The following DIAPH3 variants were observed in gnomAD, a reference collection of about 807,000 sequenced individuals.
The protein encoded by DIAPH3 is diaphanous related formin 3, also known as protein diaphanous homolog 3.
In DIAPH3, 117 loss-of-function variants were observed where a neutral mutation model predicts 144.3. The observed-to-expected ratio is 0.81, with a 90% CI of 0.70 to 0.95. The LOEUF (loss-of-function observed/expected upper bound fraction) is 0.95, where lower values mean the gene tolerates loss of function less well. Ranked by LOEUF, DIAPH3 falls within the 40% of genes least tolerant of loss-of-function variation. The pLI is 0.00. For missense variants in DIAPH3, 1,421 were observed against 1,412.7 expected, an observed-to-expected ratio of 1.01 and a Z score of -0.09; for synonymous variants, 519 against 488.9, an observed-to-expected ratio of 1.06 and a Z score of -0.81.
At chr13:60,163,379 G>A (rs543001959) in intron 1 of DIAPH3, among the ~76,000 whole-genome samples, 181 of 152,322 alleles carry the variant, frequency 1.2e-3, no homozygotes, top group African/African-American at 4.0e-3. Flanking sequence ...TCACATCAGC[G>A]TTAAGAAATT....
intron 4 of DIAPH3, among the ~76,000 whole-genome samples, chr13:60,069,590 T>G (rs2057118287): frequency 6.6e-6 from 1 of 152,122 alleles, no homozygotes; most frequent in South Asian, 2.1e-4. Context: ...GGTTTTCTTC[T>G]AAGGGTTTTT....
chr13:59,874,286 C>T (rs1253149328), intron 21 of DIAPH3, among the ~76,000 whole-genome samples: 1 of 152,186 alleles, frequency 6.6e-6, no homozygotes, highest in Non-Finnish European at 1.5e-5. Context: ...TAATCAATGT[C>T]ATCCAAAAGC....
chr13:60,078,764 T>C (rs1418032275), intron 4 of DIAPH3, among the ~76,000 whole-genome samples: 1 of 151,814 alleles, frequency 6.6e-6, no homozygotes, highest in African/African-American at 2.4e-5. Context: ...AAATAACAAA[T>C]ATGAGGTATA....
chr13:60,163,519 C>A, intron 1 of DIAPH3, 68 bp downstream of exon 1: 1 of 1,576,174 alleles, frequency 6.3e-7, no homozygotes, highest in South Asian at 1.1e-5. Context: ...TTCTTGTGGG[C>A]CCACCCTCGG....
chr13:60,140,646 T>G (rs9538574), intron 1 of DIAPH3, among the ~76,000 whole-genome samples: 96,004 of 151,828 alleles, frequency 0.63, 30,796 homozygotes, highest in Admixed American at 0.72. Flanking sequence ...GATTTGTGGG[T>G]TTTTTTCATA....
rs184143551 is a variant in DIAPH3 at position 59,945,139 on chromosome 13, T to C, written c.2075-20269A>G. Among the ~76,000 whole-genome samples, 9 of 152,220 alleles carry C rather than the reference T, an allele frequency of 5.9e-5. No individual in the cohort carries two copies. In the East Asian group the frequency reaches 1.7e-3, roughly 29 times the overall value. Reference sequence around the variant, plus strand: ...GTTTCTTTGAAGATTTTCCAAAAAATCCACACCTCAAATCTCATCTCCTGC... The same window carrying C: ...GTTTCTTTGAAGATTTTCCAAAAAACCCACACCTCAAATCTCATCTCCTGC... On this transcript the variant is annotated intron_variant, in intron 17 of 27. Transcript: ENST00000400324.
chr13:59,870,856 G>A (rs2035769758), intron 21 of DIAPH3, among the ~76,000 whole-genome samples: 1 of 151,424 alleles, frequency 6.6e-6, no homozygotes, highest in African/African-American at 2.4e-5. Flanking sequence ...TTTTAGTAGA[G>A]ACGGGGTTTC....
chr13:59,987,590 G>A (rs2140773611), intron 12 of DIAPH3, among the ~76,000 whole-genome samples: 1 of 149,312 alleles, frequency 6.7e-6, no homozygotes, highest in Admixed American at 6.7e-5. Flanking sequence ...AAACTTGTTA[G>A]TGAAATAAGG....
rs570300807 is a variant in DIAPH3 at position 59,980,236 on chromosome 13, T to C, written c.1545+559A>G. On this transcript the variant is annotated intron_variant, in intron 14 of 27. Coordinates refer to ENST00000400324, the MANE Select transcript of DIAPH3 (RefSeq NM_001042517.2). Reference sequence around the variant, plus strand: ...ATGACCTATGAAAATGGCAATTTTATAAAGTTCAACTTAATATAATGAAGC... The same window carrying C: ...ATGACCTATGAAAATGGCAATTTTACAAAGTTCAACTTAATATAATGAAGC... 2.0e-5 allele frequency among the ~76,000 whole-genome samples: 3 copies of C among 151,802 alleles called. No homozygotes were observed. The East Asian group carries it at 5.8e-4, about 29-fold the overall frequency.
chr13:59,725,539 G>A (rs2138940871), intron 27 of DIAPH3, among the ~76,000 whole-genome samples: 1 of 152,200 alleles, frequency 6.6e-6, no homozygotes, highest in South Asian at 2.1e-4. Flanking sequence ...CAAATAATTA[G>A]CATTTCATAT....
rs150401624 is a variant in DIAPH3 at position 60,101,839 on chromosome 13, C to A, written c.391-8107G>T. ...CTCCCAAACCATCTTTTTCTTGGCC[C>A]CAGTAAAAACCTCCAGTTTCTTGAC... On this transcript the variant is annotated intron_variant, in intron 3 of 27. Coordinates refer to ENST00000400324, the MANE Select transcript of DIAPH3 (RefSeq NM_001042517.2). Among the ~76,000 whole-genome samples the A allele has an allele frequency of 2.3e-3, 347 of 152,230 alleles. 3 individuals are homozygous for A. The highest frequency in any genetic ancestry group is 8.0e-3 in the African/African-American group (334 of 41,534).
At chr13:59,723,686 C>T (rs1304696519) in intron 27 of DIAPH3, among the ~76,000 whole-genome samples, 1 of 151,840 alleles carries the variant, frequency 6.6e-6, no homozygotes, top group Non-Finnish European at 1.5e-5. Flanking sequence ...TCTCGGCTCG[C>T]TGCAATCTCC....
rs368343145 is a variant in DIAPH3 at position 60,010,559 on chromosome 13, C to T, written c.882G>A (p.Ala294=). The change falls in exon 8 of 28, where the codon GCG becomes GCA. Residue 294 remains alanine, a synonymous_variant. Coordinates refer to ENST00000400324, the MANE Select transcript of DIAPH3 (RefSeq NM_001042517.2). The part of the protein sequence containing the change: ...MMTDVVKLLS[A]VCIVGEESIL... Reference sequence around the variant, plus strand: ...TGCTTTCTTCCCCTACAATGCATACCGCAGAGAGAAGTTTAACCACATCTG... The same window carrying T: ...TGCTTTCTTCCCCTACAATGCATACTGCAGAGAGAAGTTTAACCACATCTG... 28 of 1,608,220 alleles carry T rather than the reference C, an allele frequency of 1.7e-5. No individual in the cohort carries two copies. The highest frequency in any genetic ancestry group is 3.3e-5 in the South Asian group (3 of 90,264).
intron 25 of DIAPH3, among the ~76,000 whole-genome samples, chr13:59,793,249 C>T (rs760521352): frequency 6.6e-6 from 1 of 152,128 alleles, no homozygotes; most frequent in Non-Finnish European, 1.5e-5. Flanking sequence ...GTTCTCCACC[C>T]CTCCTGCCGC....
At chr13:59,796,345 G>A (rs901195470) in intron 25 of DIAPH3, among the ~76,000 whole-genome samples, 4 of 152,160 alleles carry the variant, frequency 2.6e-5, no homozygotes, top group African/African-American at 9.7e-5. Context: ...CACACATTAA[G>A]GATGCACCAT....
At chr13:59,874,025 T>C (rs1158023173) in intron 21 of DIAPH3, among the ~76,000 whole-genome samples, 1 of 152,170 alleles carries the variant, frequency 6.6e-6, no homozygotes, top group Non-Finnish European at 1.5e-5. Flanking sequence ...TGTCGTGGCT[T>C]TGGTGTTGGT....
At chr13:60,012,299 C>T (rs1027313696) in intron 7 of DIAPH3, among the ~76,000 whole-genome samples, 13 of 152,070 alleles carry the variant, frequency 8.5e-5, no homozygotes, top group African/African-American at 3.1e-4. Flanking sequence ...TGAGGAAAGG[C>T]CAAGGGCCCA....
At chr13:59,751,993 G>C (rs372342609) in intron 27 of DIAPH3, among the ~76,000 whole-genome samples, 123 of 152,328 alleles carry the variant, frequency 8.1e-4, no homozygotes, top group African/African-American at 2.8e-3. Flanking sequence ...AGGCAACACA[G>C]GACAATGGGG....
intron 19 of DIAPH3, among the ~76,000 whole-genome samples, chr13:59,915,307 GAC>G (rs1354921652): frequency 6.6e-6 from 1 of 152,012 alleles, no homozygotes; most frequent in Non-Finnish European, 1.5e-5. Context: ...GAAATTATAT[GAC>G]CACTACATTT....
Sources: gnomAD v4.1 joint callset for allele counts (sites outside exome capture counted in the v4.1 genomes callset) on GRCh38, gnomAD v4.1.1 for gene constraint, MANE v1.5 for transcripts, NCBI Gene and HGNC (gene_info 2026-07-23, HGNC 2026-07-21) for gene names.